Variants in PRSS12 observed in about 807,000 individuals in gnomAD.
PRSS12 encodes the protein neurotrypsin.
Under a neutral mutation model 104.4 loss-of-function variants are expected in PRSS12, and 85 were observed. The observed-to-expected ratio is 0.81, with a 90% CI of 0.68 to 0.98. The LOEUF is 0.98. PRSS12 is among the 50% of genes least tolerant of loss of function. The pLI is 0.00. For missense variants in PRSS12, 1,141 were observed against 1,139.2 expected, an observed-to-expected ratio of 1.00 and a Z score of -0.02; for synonymous variants, 454 against 425.2, an observed-to-expected ratio of 1.07 and a Z score of -0.83.
At position 118,352,493 on chromosome 4, in the gene PRSS12, G is replaced by C; in HGVS notation, c.228C>G (p.Arg76=). Reference sequence around the variant, plus strand: ...TGTGCCCGGCCTGGAGGGCGTGCGGGCGCTGGGCAGGGAGCGCCCGCGGGG... The same window carrying C: ...TGTGCCCGGCCTGGAGGGCGTGCGGCCGCTGGGCAGGGAGCGCCCGCGGGG... The part of the protein sequence containing the change: ...PRPPRALPAQ[R]PHALQAGHTP... The change falls in exon 1 of 13, where the codon CGC becomes CGG. Residue 76 remains arginine (R), a synonymous_variant. Coordinates refer to ENST00000296498, the MANE Select transcript of PRSS12 (RefSeq NM_003619.4). 1 of 1,381,946 alleles carries C rather than the reference G, an allele frequency of 7.2e-7. No individual in the cohort carries two copies. Among genetic ancestry groups the C allele is most frequent in the Non-Finnish European group, 9.3e-7 (1 of 1,073,234 alleles). The allele number at this position is 1,381,946 out of a possible 1,614,324, so 85.6% of individuals were successfully genotyped here.
chr4:118,348,255 T>C (rs1273733275), intron 1 of PRSS12, among the ~76,000 whole-genome samples: 1 of 152,150 alleles, frequency 6.6e-6, no homozygotes, highest in Non-Finnish European at 1.5e-5. Context: ...TATTACTATC[T>C]TACACTGGTC....
chr4:118,312,515 G>T (rs1400416856), intron 7 of PRSS12, among the ~76,000 whole-genome samples: 2 of 152,158 alleles, frequency 1.3e-5, no homozygotes, highest in African/African-American at 4.8e-5. Flanking sequence ...AATTTATCAA[G>T]AATGTTTAAC....
intron 3 of PRSS12, among the ~76,000 whole-genome samples, chr4:118,333,644 C>T (rs868428429): frequency 1.8e-4 from 27 of 152,198 alleles, no homozygotes; most frequent in South Asian, 4.2e-4. Flanking sequence ...TATTTTTCCC[C>T]ACCTGTTAAG....
At chr4:118,336,747 C>T (rs1459732487) in intron 2 of PRSS12, among the ~76,000 whole-genome samples, 2 of 152,168 alleles carry the variant, frequency 1.3e-5, no homozygotes, top group African/African-American at 4.8e-5. Flanking sequence ...AAATTTTATT[C>T]CTTTCTGATT....
chr4:118,316,837 A>AAAAATAT (rs35698159), intron 5 of PRSS12, among the ~76,000 whole-genome samples: 1,988 of 99,140 alleles, frequency 0.02, 29 homozygotes, highest in Non-Finnish European at 0.027. Flanking sequence ...AAAAAAAAAA[A>AAAAATAT]ATATATATAT....
At chr4:118,293,866 T>C (rs1743183831) in intron 11 of PRSS12, among the ~76,000 whole-genome samples, 1 of 152,142 alleles carries the variant, frequency 6.6e-6, no homozygotes, top group Non-Finnish European at 1.5e-5. Flanking sequence ...CCCAGAAAAA[T>C]GTCCCCATGT....
rs546843465 is a variant in PRSS12, at chr4:118,352,878, C to T, written c.-158G>A. The T allele has an allele frequency of 2.9e-4, 414 of 1,423,640 alleles. 7 individuals are homozygous for T. The South Asian group carries it at 5.7e-3, about 20-fold the overall frequency. The allele number at this position is 1,423,640 out of a possible 1,614,324, so 88.2% of individuals were successfully genotyped here. On this transcript the variant is annotated 5_prime_UTR_variant, in exon 1 of 13. Coordinates refer to ENST00000296498, the MANE Select transcript of PRSS12 (RefSeq NM_003619.4). The stretch of plus-strand genomic sequence containing the variant: ...GCCCTCGCCTCCCCAACCTTGCCTC[C>T]CGCCGCTGGTGCCCTGCCGCGCCTC...
chr4:118,337,672 G>A (rs1296193163), intron 2 of PRSS12, among the ~76,000 whole-genome samples: 1 of 152,064 alleles, frequency 6.6e-6, no homozygotes, highest in Admixed American at 6.6e-5. Flanking sequence ...CAAGGGCACA[G>A]GTAAACATTG....
intron 8 of PRSS12, 48 bp from the exon 9 acceptor site, chr4:118,298,986 A>T (rs776433731): frequency 1.3e-6 from 2 of 1,572,980 alleles, no homozygotes; most frequent in Non-Finnish European, 1.7e-6. Context: ...TCAGTCATAT[A>T]TCTGAATAAA....
chr4:118,325,028 A>G (rs1033494702), intron 4 of PRSS12, among the ~76,000 whole-genome samples: 6 of 152,072 alleles, frequency 3.9e-5, no homozygotes, highest in Non-Finnish European at 8.8e-5. Context: ...TCATGGCTAC[A>G]TGGTATCCTA....
Position 118,338,296 on chromosome 4 carries a change from C to A in PRSS12, c.521G>T (p.Gly174Val), listed in dbSNP as rs1238291893. Residue 174 changes from glycine to valine, a missense_variant, in exon 2 of 13, where the codon GGC becomes GTC. Physicochemically the swap from Gly to Val is moderately radical, Grantham distance 109. Transcript: ENST00000296498. The part of the protein sequence containing the change: ...DCRHGSVRLR[G>V]GKNEFEGTVE... ...TGTGCCTTCAAACTCATTTTTGCCG[C>A]CACGAAGTCGTACTGATCCTAAAGT... 9 of 1,613,962 alleles carry A rather than the reference C, an allele frequency of 5.6e-6. No individual in the cohort carries two copies. The highest frequency in any genetic ancestry group is 7.6e-6 in the Non-Finnish European group (9 of 1,179,922).
chr4:118,328,647 A>G (rs1723842632), intron 4 of PRSS12, among the ~76,000 whole-genome samples: 1 of 152,210 alleles, frequency 6.6e-6, no homozygotes, highest in Admixed American at 6.5e-5. Flanking sequence ...TTTTAGAAAG[A>G]GAGTCTTGCT....
chr4:118,284,528 C>T (rs536859823), intron 11 of PRSS12, among the ~76,000 whole-genome samples: 27 of 152,312 alleles, frequency 1.8e-4, no homozygotes, highest in Admixed American at 1.6e-3. Flanking sequence ...AATGTAAAAC[C>T]TAGACCTTGT....
chr4:118,301,945 T>C (rs1471146780), intron 8 of PRSS12, among the ~76,000 whole-genome samples: 2 of 152,224 alleles, frequency 1.3e-5, no homozygotes, highest in South Asian at 2.1e-4. Context: ...AAGGCTTTAG[T>C]GCAACCTCCA....
intron 11 of PRSS12, among the ~76,000 whole-genome samples, chr4:118,286,955 C>T (rs1048822436): frequency 2.0e-5 from 3 of 152,156 alleles, no homozygotes; most frequent in Non-Finnish European, 4.4e-5. Context: ...ATACATGTTC[C>T]ATACATACAC....
Position 118,331,763 on chromosome 4 carries a change from T to G in PRSS12, c.924A>C (p.Gln308His). 1 of 1,614,150 alleles carries G rather than the reference T, an allele frequency of 6.2e-7. No individual in the cohort carries two copies. The highest frequency in any genetic ancestry group is 8.5e-7 in the Non-Finnish European group (1 of 1,180,018). Reference protein sequence around the residue: ...AGQWGTVCDDQWDDADAEVIC... With the variant: ...AGQWGTVCDDHWDDADAEVIC... ...TCACTTCTGCATCGGCATCATCCCA[T>G]TGGTCATCACAAACGGTTCCCCACT... Residue 308 changes from glutamine (Q) to histidine (H), a missense_variant, in exon 4 of 13, where the codon CAA becomes CAC. By Grantham distance (24) the Gln-to-His change is conservative. Transcript: ENST00000296498.
chr4:118,348,283 T>C (rs796734276), intron 1 of PRSS12, among the ~76,000 whole-genome samples: 14 of 152,322 alleles, frequency 9.2e-5, no homozygotes, highest in Admixed American at 2.6e-4. Flanking sequence ...AAACCAGAAG[T>C]GTCATTTCTA....
At position 118,313,283 on chromosome 4, in the gene PRSS12, CTG is replaced by C. The variant is rs756273189; in HGVS notation, c.1405_1406del (p.Gln469ValfsTer5). 6.2e-7 allele frequency: 1 copy of C among 1,614,128 alleles called. No individual in the cohort carries two copies. The highest frequency in any genetic ancestry group is 8.5e-7 in the Non-Finnish European group (1 of 1,180,020). On this transcript the variant is annotated frameshift_variant, in exon 7 of 13. Coordinates refer to ENST00000296498, the MANE Select transcript of PRSS12 (RefSeq NM_003619.4). LOFTEE classifies it high-confidence loss of function. ...ETRFLQCSRR[Q>X]WGRHDCSHRE... Reference sequence around the variant, plus strand: ...GGTGGCTGCAGTCATGCCTTCCCCACTGTCGCCTGGAACACTGAAGAAATCTG... The same window carrying C: ...GGTGGCTGCAGTCATGCCTTCCCCACTCGCCTGGAACACTGAAGAAATCTG...
At chr4:118,309,888 T>G (rs144612982) in intron 7 of PRSS12, among the ~76,000 whole-genome samples, 1 of 152,234 alleles carries the variant, frequency 6.6e-6, no homozygotes, top group African/African-American at 2.4e-5. Flanking sequence ...TTTATTCTTC[T>G]GACCCATTTT....
Sources: allele counts gnomAD v4.1 joint callset (sites outside exome capture counted in the v4.1 genomes callset), GRCh38; gene constraint gnomAD v4.1.1; transcripts MANE v1.5; gene names NCBI Gene and HGNC (gene_info 2026-07-23, HGNC 2026-07-21).